Variants in MYO18B observed in about 807,000 individuals in gnomAD.
The protein encoded by MYO18B is unconventional myosin-XVIIIb.
Under a neutral mutation model 273.0 loss-of-function variants are expected in MYO18B, and 204 were observed. The ratio of observed to expected loss-of-function variants is 0.75; its 90% CI spans 0.67 to 0.84. MYO18B has a LOEUF of 0.84. MYO18B is among the 40% of genes least tolerant of loss of function. MYO18B has a pLI of 0.00. For missense variants in MYO18B, 3,212 were observed against 3,287.6 expected (o/e 0.98, Z 0.56); for synonymous variants, 1,330 against 1,305.7 (o/e 1.02, Z -0.40).
chr22:25,969,189 A>G (rs1393946851), intron 39 of MYO18B, among the ~76,000 whole-genome samples: 5 of 152,088 alleles, frequency 3.3e-5, no homozygotes. Flanking sequence ...GTGTCACCTT[A>G]TCTGTTGGAG....
At chr22:25,834,844 A>T (rs1293000271) in intron 16 of MYO18B, among the ~76,000 whole-genome samples, 2 of 152,242 alleles carry the variant, frequency 1.3e-5, no homozygotes, top group Non-Finnish European at 2.9e-5. Flanking sequence ...ATTTTAGTTT[A>T]AAAAATACAA....
chr22:25,807,266 G>T (rs1429563697), intron 12 of MYO18B, among the ~76,000 whole-genome samples: 1 of 152,222 alleles, frequency 6.6e-6, no homozygotes, highest in Non-Finnish European at 1.5e-5. Context: ...AGGCCCGAGA[G>T]GCCAAGGGTA....
intron 34 of MYO18B, among the ~76,000 whole-genome samples, chr22:25,923,659 G>C (rs1471500814): frequency 1.3e-5 from 2 of 152,158 alleles, no homozygotes; most frequent in Non-Finnish European, 2.9e-5. Flanking sequence ...ACGGAACCTT[G>C]AGGCACCTGG....
intron 36 of MYO18B, among the ~76,000 whole-genome samples, chr22:25,949,427 T>G (rs1358932041): frequency 6.6e-6 from 1 of 151,858 alleles, no homozygotes; most frequent in Non-Finnish European, 1.5e-5. Context: ...AGCTTTGGGG[T>G]GAAGCTGAGG....
In MYO18B at chr22:25,798,081, G is replaced by A. The variant is rs367961087; in HGVS notation, c.2505G>A (p.Ala835=). Residue 835 remains alanine, a synonymous_variant, in exon 12 of 44, where the codon GCG becomes GCA. Transcript: ENST00000335473. ...TGGCAGCCATCTACCACCTGGGTGC[G>A]GCGGGGGCCTGCAAAGGTACGTCCT... ...RVLAAIYHLG[A]AGACKVGRKQ... 1.1e-5 allele frequency: 18 copies of A among 1,608,130 alleles called. No homozygotes were observed. The highest frequency in any genetic ancestry group is 1.7e-5 in the Admixed American group (1 of 59,842).
At chr22:25,835,833 C>T (rs560157634) in intron 17 of MYO18B, among the ~76,000 whole-genome samples, 16 of 152,328 alleles carry the variant, frequency 1.1e-4, no homozygotes, top group South Asian at 4.1e-4. Flanking sequence ...GCCAGGAACA[C>T]GATGCAGGAC....
At chr22:26,036,278 A>C in the MYO18B span, among the ~76,000 whole-genome samples, 1 of 152,206 alleles carries the variant, frequency 6.6e-6, no homozygotes, top group Non-Finnish European at 1.5e-5. Flanking sequence ...CCTTCAGAGC[A>C]TAGTGACAGA....
intron 21 of MYO18B, among the ~76,000 whole-genome samples, chr22:25,855,481 C>T: frequency 6.6e-6 from 1 of 152,106 alleles, no homozygotes; most frequent in East Asian, 1.9e-4. Flanking sequence ...GACGGGGTTT[C>T]ACCATGTTAG....
intron 21 of MYO18B, among the ~76,000 whole-genome samples, chr22:25,867,866 C>T (rs970436274): frequency 7.2e-5 from 11 of 152,126 alleles, no homozygotes; most frequent in African/African-American, 2.7e-4. Context: ...CTCCTGACCT[C>T]GTGATCCGCC....
intron 29 of MYO18B, chr22:25,899,785 C>A (rs1311241885): frequency 1.1e-4 from 3 of 28,130 alleles, no homozygotes; most frequent in African/African-American, 5.0e-4. Flanking sequence ...AATAACACCA[C>A]CTCTCTGGGC....
At chr22:26,059,501 A>G in the MYO18B span, among the ~76,000 whole-genome samples, 226 of 152,334 alleles carry the variant, frequency 1.5e-3, no homozygotes, top group African/African-American at 5.1e-3. Flanking sequence ...ATTCTATGTC[A>G]GGAATGTGTC....
intron 5 of MYO18B, among the ~76,000 whole-genome samples, chr22:25,770,392 T>C (rs537940879): frequency 6.6e-6 from 1 of 152,342 alleles, no homozygotes; most frequent in South Asian, 2.1e-4. Flanking sequence ...CCTACGGCGT[T>C]CTTCGAGGAA....
chr22:26,062,302 T>C, the MYO18B span, among the ~76,000 whole-genome samples: 1 of 152,218 alleles, frequency 6.6e-6, no homozygotes, highest in African/African-American at 2.4e-5. Flanking sequence ...GGTATCTAAA[T>C]TGGGACAACC....
chr22:25,830,972 T>G (rs1258475132), intron 15 of MYO18B, among the ~76,000 whole-genome samples: 1 of 152,256 alleles, frequency 6.6e-6, no homozygotes, highest in Non-Finnish European at 1.5e-5. Flanking sequence ...TTTCTGATTA[T>G]CAATGTAATA....
intron 28 of MYO18B, chr22:25,897,173 A>C (rs976027301): frequency 3.3e-5 from 5 of 152,220 alleles, no homozygotes; most frequent in Admixed American, 6.5e-5. Flanking sequence ...CATAGGCCTC[A>C]TCATGTTGTA....
At chr22:25,932,627 C>T (rs1253820204) in intron 34 of MYO18B, among the ~76,000 whole-genome samples, 1 of 152,014 alleles carries the variant, frequency 6.6e-6, no homozygotes, top group East Asian at 1.9e-4. Context: ...TCAGGCTGGT[C>T]TCAAACTCCC....
chr22:25,970,648 A>G (rs1193425357), intron 39 of MYO18B, among the ~76,000 whole-genome samples: 1 of 152,212 alleles, frequency 6.6e-6, no homozygotes, highest in Non-Finnish European at 1.5e-5. Flanking sequence ...AGGCAAAAAC[A>G]AGCTACATCT....
At chr22:25,972,229 T>C (rs990228183) in intron 39 of MYO18B, among the ~76,000 whole-genome samples, 2 of 151,990 alleles carry the variant, frequency 1.3e-5, no homozygotes, top group African/African-American at 2.4e-5. Context: ...TATATATACA[T>C]AGGAAAAGTG....
At chr22:25,784,301 T>C (rs892031100) in intron 10 of MYO18B, among the ~76,000 whole-genome samples, 1 of 152,170 alleles carries the variant, frequency 6.6e-6, no homozygotes, top group African/African-American at 2.4e-5. Context: ...TAATTTCCAG[T>C]GAATGGAAGA....
Sources: allele counts gnomAD v4.1 joint callset (sites outside exome capture counted in the v4.1 genomes callset), GRCh38; gene constraint gnomAD v4.1.1; transcripts MANE v1.5; gene names NCBI Gene and HGNC (gene_info 2026-07-23, HGNC 2026-07-21).